KAZN: variants seen among roughly 807,000 people sequenced by gnomAD.
KAZN encodes the protein kazrin.
KAZN carries 40 observed loss-of-function variants against 87.4 expected under a neutral mutation model. The ratio of observed to expected loss-of-function variants is 0.46; its 90% CI spans 0.36 to 0.60. The LOEUF is 0.60. Among genes scored for constraint, KAZN ranks in the 20% least tolerant of loss-of-function variants. The pLI, the probability that KAZN is intolerant of heterozygous loss-of-function variation, is 0.00. For synonymous variants in KAZN, 466 were observed against 458.3 expected, an observed-to-expected ratio of 1.02 and a Z score of -0.22; for missense variants, 898 against 1,073.9, an observed-to-expected ratio of 0.84 and a Z score of 2.29.
rs573197304 is a variant in KAZN at position 14,913,394 on chromosome 1, G to C, written c.227-47290G>C. ...TTTTAATGAGAAACTTCAGGGGGAA[G>C]ATGCCAGTCCTTCCTACGTATCTGT... On this transcript the variant is annotated intron_variant, in intron 1 of 14. Coordinates refer to ENST00000376030, the MANE Select transcript of KAZN (RefSeq NM_201628.3). Among the ~76,000 whole-genome samples, 24 of 152,344 alleles carry C rather than the reference G, an allele frequency of 1.6e-4. No individual in the cohort carries two copies. The East Asian group carries it at 4.6e-3, about 29-fold the overall frequency.
chr1:14,287,124 A>T (rs1457412938), intron 2 of KAZN, among the ~76,000 whole-genome samples: 1 of 152,198 alleles, frequency 6.6e-6, no homozygotes, highest in African/African-American at 2.4e-5. Flanking sequence ...TGATAATAGG[A>T]GCCACGGGTT....
chr1:14,512,374 T>C (rs982675953), intron 2 of KAZN, among the ~76,000 whole-genome samples: 2 of 152,074 alleles, frequency 1.3e-5, no homozygotes, highest in African/African-American at 2.4e-5. Flanking sequence ...GCAGCACCCC[T>C]GGCCTCTACC....
At chr1:14,263,141 T>C (rs1651209445) in intron 2 of KAZN, among the ~76,000 whole-genome samples, 1 of 152,224 alleles carries the variant, frequency 6.6e-6, no homozygotes, top group South Asian at 2.1e-4. Flanking sequence ...ACCAAGTTTT[T>C]TGAAGATGCC....
In KAZN at chr1:14,937,401, C is replaced by T. The variant is rs138188272; in HGVS notation, c.227-23283C>T. ...ACTTTCCTGCCTTTCCCTTCCCCCT[C>T]CATCTTCAAGGACTAGCAAATCAGT... On this transcript the variant is annotated intron_variant, in intron 1 of 14. Transcript: ENST00000376030. Among the ~76,000 whole-genome samples, 844 of 152,358 alleles carry T rather than the reference C, an allele frequency of 5.5e-3. 14 individuals carry two copies. The highest frequency in any genetic ancestry group is 0.019 in the African/African-American group (799 of 41,588).
intron 2 of KAZN, among the ~76,000 whole-genome samples, chr1:14,978,109 C>T (rs561596495): frequency 1.1e-4 from 17 of 152,236 alleles, no homozygotes; most frequent in African/African-American, 4.1e-4. Flanking sequence ...AACGCTCCCT[C>T]CCCGTGGCCT....
intron 1 of KAZN, among the ~76,000 whole-genome samples, chr1:14,161,980 G>A (rs1645720283): frequency 6.6e-6 from 1 of 152,184 alleles, no homozygotes; most frequent in African/African-American, 2.4e-5. Context: ...AGTTACACTT[G>A]TTCAAAAATG....
chr1:14,000,972 C>T lies in KAZN; in HGVS notation c.91+107216C>T, dbSNP rs539889098. ...TAATTTTTTGTATTTTTAGTAGAGA[C>T]GGGGTTTCACCGTTTTAGCCGGGAT... On this transcript the variant is annotated intron_variant, in intron 1 of 16. Transcript: ENST00000636203. 2.4e-4 allele frequency among the ~76,000 whole-genome samples: 36 copies of T among 151,658 alleles called. No homozygotes were observed. The East Asian group carries it at 5.3e-3, about 22-fold the overall frequency.
At chr1:14,631,692 G>A (rs991257701) in intron 1 of KAZN, among the ~76,000 whole-genome samples, 11 of 152,328 alleles carry the variant, frequency 7.2e-5, no homozygotes, top group Admixed American at 5.2e-4. Context: ...GAGAGAGGGC[G>A]GGAGCACATG....
At chr1:14,721,080 G>A (rs547128954) in intron 1 of KAZN, among the ~76,000 whole-genome samples, 6 of 152,320 alleles carry the variant, frequency 3.9e-5, no homozygotes, top group East Asian at 3.9e-4. Context: ...AGGCCTGAGC[G>A]GTGGTATTGA....
chr1:14,373,134 G>C (rs1331258581), intron 2 of KAZN, among the ~76,000 whole-genome samples: 1 of 151,636 alleles, frequency 6.6e-6, no homozygotes, highest in Non-Finnish European at 1.5e-5. Flanking sequence ...GTAAGAGGTA[G>C]CTTTCTGGGA....
intron 8 of KAZN, among the ~76,000 whole-genome samples, chr1:15,086,217 T>C (rs10803350): frequency 0.33 from 50,266 of 151,690 alleles, 10,374 homozygotes; most frequent in East Asian, 0.91. Flanking sequence ...GTAATCCACC[T>C]GCCTCGGCCT....
At chr1:13,955,391 A>C (rs1244229988) in intron 1 of KAZN, among the ~76,000 whole-genome samples, 1 of 152,130 alleles carries the variant, frequency 6.6e-6, no homozygotes, top group Non-Finnish European at 1.5e-5. Flanking sequence ...TATATGAATA[A>C]ATCTCCTTTT....
chr1:14,883,349 A>AGGGAGGGAGGGAGGGAGGGAGG (rs1376505493), intron 1 of KAZN, among the ~76,000 whole-genome samples: 1 of 38,132 alleles, frequency 2.6e-5, no homozygotes, highest in Non-Finnish European at 5.5e-5. Context: ...AGAGAAAGAA[A>AGGGAGGGAGGGAGGGAGGGAGG]GAAAGAAAAG....
intron 2 of KAZN, among the ~76,000 whole-genome samples, chr1:14,413,528 G>A (rs1019630987): frequency 7.1e-6 from 1 of 141,236 alleles, no homozygotes; most frequent in Non-Finnish European, 1.5e-5. Context: ...GGCGGAGCTT[G>A]CAGTGAGCCG....
In KAZN at chr1:14,399,623, T is replaced by C. The variant is rs80053667; in HGVS notation, c.250-199360T>C. ...TTTAGTCACGTAACCATCTCAAAAC[T>C]CTCTGTCCTGGGTCACAGCTGGAGA... On this transcript the variant is annotated intron_variant, in intron 2 of 16. Coordinates refer to the KAZN transcript ENST00000636203. 3.3e-3 allele frequency among the ~76,000 whole-genome samples: 505 copies of C among 152,156 alleles called. 1 individual carries two copies. Among genetic ancestry groups the C allele is most frequent in the African/African-American group, 0.012 (488 of 41,502 alleles).
intron 1 of KAZN, among the ~76,000 whole-genome samples, chr1:14,685,252 G>A (rs947042144): frequency 3.3e-5 from 5 of 152,334 alleles, no homozygotes; most frequent in Admixed American, 3.3e-4. Flanking sequence ...CTGGGAGCTG[G>A]TATAGAGCAT....
rs72639858 is a variant in KAZN, at chr1:15,059,196, C to T, written c.917-976C>T. 5.3e-3 allele frequency among the ~76,000 whole-genome samples: 798 copies of T among 151,888 alleles called. 8 individuals carry two copies. Among genetic ancestry groups the T allele is most frequent in the East Asian group, 0.03 (155 of 5,156 alleles). ...AAGCAGTCCTCCCTCTTCCGCCTCC[C>T]GAAGTGCTGAGACTACAGGCATGAG... On this transcript the variant is annotated intron_variant, in intron 5 of 14. Coordinates refer to ENST00000376030, the MANE Select transcript of KAZN (RefSeq NM_201628.3).
At chr1:14,300,848 C>A (rs925738429) in intron 2 of KAZN, among the ~76,000 whole-genome samples, 2 of 152,166 alleles carry the variant, frequency 1.3e-5, no homozygotes, top group Non-Finnish European at 2.9e-5. Flanking sequence ...AGGACGTATC[C>A]TACCTGTGAA....
chr1:15,041,378 C>T (rs1449320030), intron 3 of KAZN, among the ~76,000 whole-genome samples: 1 of 129,976 alleles, frequency 7.7e-6, no homozygotes, highest in African/African-American at 3.1e-5. Context: ...GCTCTTATTG[C>T]CCGGGTTGGA....
Sources: allele counts gnomAD v4.1 joint callset (sites outside exome capture counted in the v4.1 genomes callset), GRCh38; gene constraint gnomAD v4.1.1; transcripts MANE v1.5; gene names NCBI Gene and HGNC (gene_info 2026-07-23, HGNC 2026-07-21).